The following RBFOX1 variants were observed in gnomAD, a reference collection of about 807,000 sequenced individuals.
RBFOX1 encodes RNA binding fox-1 homolog 1, also known as RNA binding protein fox-1 homolog 1.
In RBFOX1, 8 loss-of-function variants were observed where a neutral mutation model predicts 57.7. The observed-to-expected ratio is 0.14, with a 90% confidence interval of 0.08 to 0.25. The LOEUF (loss-of-function observed/expected upper bound fraction) is 0.25. RBFOX1 is among the 10% of genes least tolerant of loss of function. RBFOX1 has a pLI of 1.00. For synonymous variants in RBFOX1, 326 were observed against 222.4 expected (o/e 1.47, Z -4.15); for missense variants, 611 against 548.5 (o/e 1.11, Z -1.14).
chr16:7,202,482 A>G (rs2088831155), intron 4 of RBFOX1, among the ~76,000 whole-genome samples: 1 of 152,180 alleles, frequency 6.6e-6, no homozygotes, highest in South Asian at 2.1e-4. Context: ...CTGGATATAT[A>G]TTTAAAAGAG....
intron 1 of RBFOX1, among the ~76,000 whole-genome samples, chr16:5,463,338 A>T (rs1198173237): frequency 1.3e-5 from 2 of 152,202 alleles, no homozygotes; most frequent in Non-Finnish European, 2.9e-5. Context: ...GTTGCTTTTC[A>T]AGTGACTGTT....
At chr16:7,647,989 T>A (rs1435805341) in intron 11 of RBFOX1, among the ~76,000 whole-genome samples, 1 of 152,190 alleles carries the variant, frequency 6.6e-6, no homozygotes, top group Non-Finnish European at 1.5e-5. Flanking sequence ...GTCCAGGTAA[T>A]CATCTCAAAT....
At chr16:6,579,433 G>C (rs572687682) in intron 2 of RBFOX1, among the ~76,000 whole-genome samples, 2 of 152,124 alleles carry the variant, frequency 1.3e-5, no homozygotes, top group Non-Finnish European at 2.9e-5. Flanking sequence ...TAATCCCCAT[G>C]TGTCATGGGA....
chr16:5,274,356 G>A lies in RBFOX1; in HGVS notation c.219+34251G>A, dbSNP rs576695620. 5.3e-5 allele frequency among the ~76,000 whole-genome samples: 8 copies of A among 152,110 alleles called. No homozygotes were observed. The South Asian group carries it at 6.2e-4, about 12-fold the overall frequency. On this transcript the variant is annotated intron_variant, in intron 1 of 2. Transcript: ENST00000585867. ...CCAGCCTGGCCAACATGGTGAAACC[G>A]TTTGTCTACTAAAAATACAAAAATT...
chr16:7,303,269 T>A (rs1057279171), intron 4 of RBFOX1, among the ~76,000 whole-genome samples: 1 of 152,204 alleles, frequency 6.6e-6, no homozygotes, highest in East Asian at 1.9e-4. Flanking sequence ...GCTTCGGTGC[T>A]CTGCTGGGGG....
At chr16:6,917,393 G>A (rs1359033020) in intron 3 of RBFOX1, among the ~76,000 whole-genome samples, 1 of 152,184 alleles carries the variant, frequency 6.6e-6, no homozygotes, top group East Asian at 1.9e-4. Flanking sequence ...CTTGAGTGTA[G>A]CTCTATATCT....
chr16:6,432,441 G>A (rs541118375), intron 2 of RBFOX1, among the ~76,000 whole-genome samples: 324 of 151,952 alleles, frequency 2.1e-3, no homozygotes, highest in Non-Finnish European at 3.6e-3. Context: ...GGAGGGCAAG[G>A]CGGGCGGATC....
At chr16:5,908,070 G>GTGTGTGTGTATGTA (rs531475482) in intron 4 of RBFOX1, among the ~76,000 whole-genome samples, 33 of 129,040 alleles carry the variant, frequency 2.6e-4, no homozygotes, top group African/African-American at 9.3e-4. Flanking sequence ...ATGTGTGTAT[G>GTGTGTGTGTATGTA]TATATATATA....
chr16:6,269,143 A>C (rs1482319460), intron 1 of RBFOX1, among the ~76,000 whole-genome samples: 1 of 152,220 alleles, frequency 6.6e-6, no homozygotes, highest in East Asian at 1.9e-4. Flanking sequence ...TTAGTATGAC[A>C]GATTTCTCTT....
intron 4 of RBFOX1, among the ~76,000 whole-genome samples, chr16:7,277,607 A>T (rs1483748682): frequency 6.6e-6 from 1 of 152,262 alleles, no homozygotes; most frequent in South Asian, 2.1e-4. Flanking sequence ...TTTAAGTCTG[A>T]AAGCTCATTA....
At chr16:7,101,202 C>T (rs2062631337) in intron 4 of RBFOX1, among the ~76,000 whole-genome samples, 1 of 152,044 alleles carries the variant, frequency 6.6e-6, no homozygotes, top group Non-Finnish European at 1.5e-5. Context: ...CTATGCAGGC[C>T]CCATTTTTGT....
chr16:6,951,261 TAG>T (rs750096930), intron 3 of RBFOX1, among the ~76,000 whole-genome samples: 32 of 152,118 alleles, frequency 2.1e-4, no homozygotes, highest in Non-Finnish European at 4.6e-4. Context: ...AGAAACGTAA[TAG>T]AGTCACCCAT....
At chr16:7,311,619 G>A (rs762663251) in intron 4 of RBFOX1, among the ~76,000 whole-genome samples, 11 of 151,972 alleles carry the variant, frequency 7.2e-5, no homozygotes, top group South Asian at 2.1e-4. Flanking sequence ...CTGAAGCCAG[G>A]CACGGGGCAA....
chr16:6,457,417 G>A (rs908091135), intron 2 of RBFOX1, among the ~76,000 whole-genome samples: 16 of 137,972 alleles, frequency 1.2e-4, no homozygotes, highest in Admixed American at 6.2e-4. Context: ...TTATTTTCTG[G>A]TGACTGTGAA....
At chr16:6,124,124 C>T (rs768710646) in intron 1 of RBFOX1, among the ~76,000 whole-genome samples, 2 of 152,106 alleles carry the variant, frequency 1.3e-5, no homozygotes, top group Admixed American at 6.5e-5. Flanking sequence ...GTTTTGTTTG[C>T]ACCACACAGT....
intron 4 of RBFOX1, among the ~76,000 whole-genome samples, chr16:7,057,799 G>C (rs572000847): frequency 6.6e-6 from 1 of 152,140 alleles, no homozygotes; most frequent in East Asian, 1.9e-4. Context: ...CCTGAGATCA[G>C]GAGTTGGAGA....
intron 1 of RBFOX1, among the ~76,000 whole-genome samples, chr16:6,295,221 T>C (rs887381680): frequency 1.3e-5 from 2 of 151,474 alleles, no homozygotes; most frequent in African/African-American, 4.9e-5. Context: ...CCTCCTAGGT[T>C]CAAGTGATTG....
At chr16:6,450,259 T>C (rs963133000) in intron 2 of RBFOX1, among the ~76,000 whole-genome samples, 36 of 152,122 alleles carry the variant, frequency 2.4e-4, no homozygotes, top group Non-Finnish European at 7.4e-5. Context: ...ATGAGGGAAA[T>C]AATAGCTCCC....
intron 4 of RBFOX1, among the ~76,000 whole-genome samples, chr16:7,351,086 T>A (rs1568357887): frequency 2.0e-5 from 3 of 152,226 alleles, no homozygotes; most frequent in Non-Finnish European, 1.5e-5. Flanking sequence ...TTTCCTTTTA[T>A]TTTAGCAGAA....
Sources: gnomAD v4.1 joint callset for allele counts (sites outside exome capture counted in the v4.1 genomes callset) on GRCh38, gnomAD v4.1.1 for gene constraint, MANE v1.5 for transcripts, NCBI Gene and HGNC (gene_info 2026-07-23, HGNC 2026-07-21) for gene names.